Variants in NMNAT2 observed in about 807,000 individuals in gnomAD.
NMNAT2 encodes the protein nicotinamide/nicotinic acid mononucleotide adenylyltransferase 2.
In NMNAT2, 11 loss-of-function variants were observed where a neutral mutation model predicts 41.6. The observed-to-expected ratio is 0.26, with a 90% CI of 0.17 to 0.44. NMNAT2 has a LOEUF of 0.44. NMNAT2 is among the 20% of genes least tolerant of loss of function. NMNAT2 has a pLI of 1.00. For synonymous variants in NMNAT2, 148 were observed against 151.2 expected (o/e 0.98, Z 0.16); for missense variants, 288 against 407.7 (o/e 0.71, Z 2.53).
At chr1:183,352,250 A>G (rs1004666980) in intron 1 of NMNAT2, among the ~76,000 whole-genome samples, 56 of 152,196 alleles carry the variant, frequency 3.7e-4, no homozygotes, top group African/African-American at 1.3e-3. Flanking sequence ...AATATCCTGA[A>G]CACCTTGACA....
chr1:183,261,899 G>A lies in NMNAT2; in HGVS notation c.652-596C>T, dbSNP rs75248936. Among the ~76,000 whole-genome samples the A allele has an allele frequency of 2.2e-3, 326 of 150,656 alleles. 6 individuals carry two copies. The East Asian group carries it at 0.054, about 25-fold the overall frequency. On this transcript the variant is annotated intron_variant, in intron 8 of 10. Coordinates refer to ENST00000287713, the MANE Select transcript of NMNAT2 (RefSeq NM_015039.4). ...CTTCAGAGATCAGCCTTTGATAGAA[G>A]CTCAGTGCCATGTGAGAAATGAAAT...
At chr1:183,360,693 A>C (rs1663288645) in intron 1 of NMNAT2, among the ~76,000 whole-genome samples, 1 of 152,174 alleles carries the variant, frequency 6.6e-6, no homozygotes, top group Non-Finnish European at 1.5e-5. Context: ...AAAGGAAACG[A>C]ATCTATAAAA....
intron 1 of NMNAT2, among the ~76,000 whole-genome samples, chr1:183,333,689 A>T (rs1662628666): frequency 6.6e-6 from 1 of 152,224 alleles, no homozygotes; most frequent in Admixed American, 6.5e-5. Flanking sequence ...AAGCCACTAA[A>T]TTTCTGGTAA....
chr1:183,273,790 C>T (rs982433641), intron 8 of NMNAT2, among the ~76,000 whole-genome samples: 3 of 138,552 alleles, frequency 2.2e-5, no homozygotes, highest in Admixed American at 1.5e-4. Flanking sequence ...TTTCTTTCTT[C>T]CTCTCTCTCT....
intron 1 of NMNAT2, among the ~76,000 whole-genome samples, chr1:183,371,380 A>G (rs530916056): frequency 7.9e-5 from 12 of 152,318 alleles, no homozygotes; most frequent in Non-Finnish European, 1.5e-4. Flanking sequence ...TCTATGTGAT[A>G]CTGTGGAGGT....
At chr1:183,297,378 G>C (rs1040515133) in intron 1 of NMNAT2, among the ~76,000 whole-genome samples, 1 of 122,524 alleles carries the variant, frequency 8.2e-6, no homozygotes, top group Non-Finnish European at 1.7e-5. Flanking sequence ...GAAAAGGAAG[G>C]AACCCTTTTT....
At chr1:183,285,813 T>C (rs919244886) in intron 5 of NMNAT2, among the ~76,000 whole-genome samples, 5 of 152,202 alleles carry the variant, frequency 3.3e-5, no homozygotes, top group African/African-American at 1.2e-4. Flanking sequence ...TATTACTGCA[T>C]TAAATAAGAA....
Position 183,341,658 on chromosome 1 carries a change from C to G in NMNAT2, c.86-47865G>C, listed in dbSNP as rs868192980. ...AGTGAGCCATGATCATGCTACTGCACCCAGCCTGGTCAATAGAGAAAAAAA... is the reference window on the plus strand; with the variant it reads ...AGTGAGCCATGATCATGCTACTGCAGCCAGCCTGGTCAATAGAGAAAAAAA... On this transcript the variant is annotated intron_variant, in intron 1 of 10. Coordinates refer to ENST00000287713, the MANE Select transcript of NMNAT2 (RefSeq NM_015039.4). Among the ~76,000 whole-genome samples the G allele has an allele frequency of 1.6e-4, 21 of 127,968 alleles. No homozygotes were observed. In the Middle Eastern group the frequency reaches 0.012, roughly 75 times the overall value. The allele number at this position is 127,968 out of a possible 152,430, so 84.0% of individuals were successfully genotyped here.
intron 2 of NMNAT2, 143 bp downstream of exon 2, chr1:183,293,562 G>T: frequency 1.5e-6 from 1 of 669,384 alleles, no homozygotes. Context: ...ATGGGAAGCA[G>T]GATAGACGCA....
chr1:183,297,500 C>T (rs188887932), intron 1 of NMNAT2, among the ~76,000 whole-genome samples: 138 of 151,768 alleles, frequency 9.1e-4, no homozygotes, highest in African/African-American at 2.6e-3. Flanking sequence ...CTCCTGCCTC[C>T]GCCTCCCGAG....
chr1:183,371,653 T>C (rs1663546617), intron 1 of NMNAT2, among the ~76,000 whole-genome samples: 1 of 152,174 alleles, frequency 6.6e-6, no homozygotes, highest in South Asian at 2.1e-4. Flanking sequence ...AAAAAGGAGT[T>C]TGAAGGGCCT....
At chr1:183,306,516 A>T (rs1303773680) in intron 1 of NMNAT2, among the ~76,000 whole-genome samples, 1 of 152,204 alleles carries the variant, frequency 6.6e-6, no homozygotes, top group Non-Finnish European at 1.5e-5. Flanking sequence ...TGAACCACTG[A>T]ACCACTCATG....
chr1:183,263,669 G>T (rs1660726180), intron 8 of NMNAT2, among the ~76,000 whole-genome samples: 1 of 152,316 alleles, frequency 6.6e-6, no homozygotes, highest in South Asian at 2.1e-4. Context: ...TTAGCCGGGC[G>T]TGGTGGCAGG....
chr1:183,354,564 A>G (rs1663141558), intron 1 of NMNAT2, among the ~76,000 whole-genome samples: 1 of 151,972 alleles, frequency 6.6e-6, no homozygotes, highest in Admixed American at 6.6e-5. Flanking sequence ...GGCATGTGCC[A>G]CTATGCCCAG....
Position 183,252,560 on chromosome 1 carries a change from T to TGGAGAAACAGAGAGGCAGG in NMNAT2, c.*62_*80dup. ...AGGGAAAACAGTCAAGACGAGGAGA[T>TGGAGAAACAGAGAGGCAGG]GGAGAAACAGAGAGGCAGGAGAGAA... On this transcript the variant is annotated 3_prime_UTR_variant, in exon 11 of 11. Transcript: ENST00000287713. 1.0e-6 allele frequency: 1 copy of TGGAGAAACAGAGAGGCAGG among 1,002,736 alleles called. No homozygotes were observed. Among genetic ancestry groups the TGGAGAAACAGAGAGGCAGG allele is most frequent in the South Asian group, 1.3e-5 (1 of 78,262 alleles). 62.1% of individuals were successfully genotyped at this position (1,002,736 alleles called of 1,614,324 possible). A position where few individuals can be genotyped will look rare whatever the true frequency, so the allele number is the denominator to read the frequency against.
intron 8 of NMNAT2, among the ~76,000 whole-genome samples, chr1:183,270,011 G>A (rs1660942138): frequency 3.9e-5 from 6 of 152,118 alleles, no homozygotes; most frequent in Admixed American, 3.9e-4. Context: ...AGCCTCCCAA[G>A]TAGCTGGGAC....
At chr1:183,304,578 C>A in intron 1 of NMNAT2, 1 of 1,221,580 alleles carries the variant, frequency 8.2e-7, no homozygotes, top group South Asian at 1.2e-5. Context: ...TGAGAAGCTC[C>A]GCTGGAGACA....
intron 1 of NMNAT2, among the ~76,000 whole-genome samples, chr1:183,299,495 T>C (rs1661792117): frequency 6.6e-6 from 1 of 152,204 alleles, no homozygotes; most frequent in Non-Finnish European, 1.5e-5. Flanking sequence ...GCTTATTGTA[T>C]GATTTTATTT....
intron 8 of NMNAT2, among the ~76,000 whole-genome samples, chr1:183,275,889 G>C (rs1275613852): frequency 6.6e-6 from 1 of 152,102 alleles, no homozygotes; most frequent in East Asian, 1.9e-4. Context: ...AGCCAGGATG[G>C]TCTTGATCTC....
Sources: gnomAD v4.1 joint callset for allele counts (sites outside exome capture counted in the v4.1 genomes callset) on GRCh38, gnomAD v4.1.1 for gene constraint, MANE v1.5 for transcripts, NCBI Gene and HGNC (gene_info 2026-07-23, HGNC 2026-07-21) for gene names.